SC5D: variants seen among roughly 807,000 people sequenced by gnomAD.
SC5D encodes lathosterol oxidase.
A neutral mutation model predicts 23.9 loss-of-function variants in SC5D; 21 were observed. The ratio of observed to expected loss-of-function variants is 0.88; its 90% confidence interval spans 0.62 to 1.26. The LOEUF (loss-of-function observed/expected upper bound fraction) is 1.26, where lower values mean the gene tolerates loss of function less well. Among genes scored for constraint, SC5D ranks in the 50% most tolerant of loss-of-function variants. SC5D has a pLI of 0.00. For synonymous variants in SC5D, 113 were observed against 125.9 expected (o/e 0.90, Z 0.68); for missense variants, 309 against 364.8 (o/e 0.85, Z 1.25).
chr11:121,294,242 C>T (rs1435204247), intron 1 of SC5D, among the ~76,000 whole-genome samples: 4 of 152,134 alleles, frequency 2.6e-5, no homozygotes, highest in African/African-American at 9.7e-5. Flanking sequence ...CTTGGGACCC[C>T]TAACTTCAGG....
intron 1 of SC5D, among the ~76,000 whole-genome samples, chr11:121,300,501 A>G (rs1054614164): frequency 1.3e-5 from 2 of 152,170 alleles, no homozygotes; most frequent in Admixed American, 6.5e-5. Context: ...GTTCAATATC[A>G]TCCTGTCCCA....
At chr11:121,297,014 C>T (rs1947894145) in intron 1 of SC5D, among the ~76,000 whole-genome samples, 1 of 152,138 alleles carries the variant, frequency 6.6e-6, no homozygotes, top group Admixed American at 6.5e-5. Context: ...CAACTTTACT[C>T]ATAATAAGGT....
In SC5D at chr11:121,310,559, G is replaced by A. The variant is rs888047387; in HGVS notation, c.*3047G>A. On this transcript the variant is annotated 3_prime_UTR_variant, in exon 5 of 5. Coordinates refer to ENST00000264027, the MANE Select transcript of SC5D (RefSeq NM_006918.5). Reference sequence around the variant, plus strand: ...TGCAAGCTCCACCTCCCGGGTTCACGCCATTCTCCTGCCTCAGCCTCCCGA... The same window carrying A: ...TGCAAGCTCCACCTCCCGGGTTCACACCATTCTCCTGCCTCAGCCTCCCGA... Among the ~76,000 whole-genome samples, 2 of 148,512 alleles carry A rather than the reference G, an allele frequency of 1.3e-5. No homozygotes were observed. The highest frequency in any genetic ancestry group is 2.0e-4 in the East Asian group (1 of 4,894).
chr11:121,307,657 A>T lies in SC5D; in HGVS notation c.*145A>T, dbSNP rs556185890. 20 of 626,366 alleles carry T rather than the reference A, an allele frequency of 3.2e-5. No homozygotes were observed. The highest frequency in any genetic ancestry group is 3.1e-5 in the Admixed American group (1 of 32,600). 38.8% of individuals were successfully genotyped at this position (626,366 alleles called of 1,614,324 possible). A position where few individuals can be genotyped will look rare whatever the true frequency, so the allele number is the denominator to read the frequency against. ...GAAATCAGCATCGTGGGCACTGCTG[A>T]GGAATGATCCTAGTGGTAGGTCAGA... On this transcript the variant is annotated 3_prime_UTR_variant, in exon 5 of 5. Coordinates refer to ENST00000264027, the MANE Select transcript of SC5D (RefSeq NM_006918.5).
intron 2 of SC5D, chr11:121,304,051 A>T: frequency 3.0e-6 from 1 of 328,902 alleles, no homozygotes; most frequent in Non-Finnish European, 5.7e-6. Context: ...AAAAGAAAAA[A>T]TAGAGAGGAT....
At chr11:121,296,333 T>C (rs981174699) in intron 1 of SC5D, among the ~76,000 whole-genome samples, 1 of 152,204 alleles carries the variant, frequency 6.6e-6, no homozygotes, top group African/African-American at 2.4e-5. Context: ...AAATCTCCTT[T>C]ACAAGTCCAT....
At position 121,303,574 on chromosome 11, in the gene SC5D, C is replaced by T; in HGVS notation, c.199C>T (p.Gln67Ter). 3.7e-6 allele frequency: 6 copies of T among 1,608,024 alleles called. No homozygotes were observed. Among genetic ancestry groups the T allele is most frequent in the Non-Finnish European group, 5.1e-6 (6 of 1,174,724 alleles). Residue 67 changes from glutamine to a stop codon, truncating the protein, a stop_gained, in exon 2 of 5, where the codon CAA becomes TAA. Transcript: ENST00000264027. LOFTEE classifies it high-confidence loss of function. Reference protein sequence around the residue: ...VFDHALMKHPQFLKNQVRREI... With the variant: ...VFDHALMKHP ...CGATCATGCATTAATGAAACATCCA[C>T]AATTTTTAAAGGTAAGAAATGTTTT...
intron 1 of SC5D, among the ~76,000 whole-genome samples, chr11:121,301,958 GA>G (rs1327047695): frequency 2.0e-5 from 3 of 152,056 alleles, no homozygotes; most frequent in East Asian, 3.9e-4. Context: ...GGATTCTCAG[GA>G]AACTAATAGA....
chr11:121,303,074 A>C (rs971709018), intron 1 of SC5D, among the ~76,000 whole-genome samples: 12 of 152,140 alleles, frequency 7.9e-5, no homozygotes, highest in Admixed American at 5.9e-4. Context: ...TGACACTGAA[A>C]TGGAATTCCA....
At chr11:121,299,766 C>T (rs1439243718) in intron 1 of SC5D, among the ~76,000 whole-genome samples, 3 of 152,108 alleles carry the variant, frequency 2.0e-5, no homozygotes, top group East Asian at 1.9e-4. Flanking sequence ...TGGTGGTGCC[C>T]ACCTGTAGTA....
At chr11:121,303,983 A>G (rs1413232754) in intron 2 of SC5D, 3 of 256,342 alleles carry the variant, frequency 1.2e-5, no homozygotes, top group African/African-American at 4.6e-5. Context: ...AGTTGTTTAC[A>G]ATCATTTTTA....
chr11:121,307,051 C>G lies in SC5D; in HGVS notation c.445-6C>G. 1 of 1,613,132 alleles carries G rather than the reference C, an allele frequency of 6.2e-7. No homozygotes were observed. Among genetic ancestry groups the G allele is most frequent in the Non-Finnish European group, 8.5e-7 (1 of 1,179,130 alleles). ...GCAGTGCTAATTGTGTCCTTTTCTC[C>G]TGCAGCGCCTACATAAACCTCACCA... On this transcript the variant is annotated splice_region_variant and splice_polypyrimidine_tract_variant and intron_variant, in intron 4 of 4. Coordinates refer to ENST00000264027, the MANE Select transcript of SC5D (RefSeq NM_006918.5).
rs1229859951 is a variant in SC5D, at chr11:121,313,333, G to A, written c.*5821G>A. ...TTGTAATATACCACAGTTGGTTTAT[G>A]TATTTGCTGATGAATATTTGTGTTA... On this transcript the variant is annotated 3_prime_UTR_variant, in exon 5 of 5. Transcript: ENST00000264027. Among the ~76,000 whole-genome samples, 1 of 152,056 alleles carries A rather than the reference G, an allele frequency of 6.6e-6. No individual in the cohort carries two copies. The highest frequency in any genetic ancestry group is 6.5e-5 in the Admixed American group (1 of 15,270).
chr11:121,301,943 C>T (rs947096742), intron 1 of SC5D, among the ~76,000 whole-genome samples: 9 of 151,724 alleles, frequency 5.9e-5, no homozygotes, highest in Admixed American at 5.3e-4. Context: ...TAACAAACAC[C>T]GTAAGGATTC....
In SC5D at chr11:121,312,217, C is replaced by T. The variant is rs1164798367; in HGVS notation, c.*4705C>T. Among the ~76,000 whole-genome samples, 1 of 152,112 alleles carries T rather than the reference C, an allele frequency of 6.6e-6. No individual in the cohort carries two copies. The highest frequency in any genetic ancestry group is 1.9e-4 in the East Asian group (1 of 5,200). ...GGAAGGAAGTGTTTGAACCATGTGT[C>T]AACAAGCTTTACTGTCAAAGCAGGC... On this transcript the variant is annotated 3_prime_UTR_variant, in exon 5 of 5. Transcript: ENST00000264027.
chr11:121,300,541 A>G (rs2134265256), intron 1 of SC5D, among the ~76,000 whole-genome samples: 1 of 152,364 alleles, frequency 6.6e-6, no homozygotes, highest in Non-Finnish European at 1.5e-5. Flanking sequence ...GTCATTATTT[A>G]CACATAACAG....
intron 1 of SC5D, among the ~76,000 whole-genome samples, chr11:121,297,468 C>G (rs980056271): frequency 1.3e-5 from 2 of 152,172 alleles, no homozygotes; most frequent in East Asian, 3.8e-4. Context: ...GCTTTAAGTT[C>G]GGCTCTCAAA....
rs999976586 is a variant in SC5D, at chr11:121,309,600, T to A, written c.*2088T>A. ...TGAATGTTTAAAGCTTCCTCTAGAT[T>A]CTTATTCCTATATAACTAATAGAGA... On this transcript the variant is annotated 3_prime_UTR_variant, in exon 5 of 5. Transcript: ENST00000264027. Among the ~76,000 whole-genome samples the A allele has an allele frequency of 3.9e-5, 6 of 152,222 alleles. No homozygotes were observed. The highest frequency in any genetic ancestry group is 1.4e-4 in the African/African-American group (6 of 41,462).
chr11:121,304,045 G>C (rs1180823777), intron 2 of SC5D: 1 of 323,172 alleles, frequency 3.1e-6, no homozygotes, highest in African/African-American at 2.2e-5. Context: ...ACAGCAAAAA[G>C]AAAAAATAGA....
Sources: allele counts gnomAD v4.1 joint callset (sites outside exome capture counted in the v4.1 genomes callset), GRCh38; gene constraint gnomAD v4.1.1; transcripts MANE v1.5; gene names NCBI Gene and HGNC (gene_info 2026-07-23, HGNC 2026-07-21).